Variants in ERC1 observed in about 807,000 individuals in gnomAD.
ERC1 encodes ELKS/RAB6-interacting/CAST family member 1, also known as RAB6 interacting protein 2.
Under a neutral mutation model 132.0 loss-of-function variants are expected in ERC1, and 56 were observed. The ratio of observed to expected loss-of-function variants is 0.42; its 90% CI spans 0.34 to 0.53. The LOEUF (loss-of-function observed/expected upper bound fraction) is 0.53. Ranked by LOEUF, ERC1 falls within the 20% of genes least tolerant of loss-of-function variation. The pLI is 0.03. For synonymous variants in ERC1, 478 were observed against 476.1 expected, an observed-to-expected ratio of 1.00 and a Z score of -0.05; for missense variants, 1,202 against 1,349.9, an observed-to-expected ratio of 0.89 and a Z score of 1.72.
chr12:1,173,243 A>G (rs1953278636), intron 8 of ERC1, among the ~76,000 whole-genome samples: 1 of 152,164 alleles, frequency 6.6e-6, no homozygotes, highest in Non-Finnish European at 1.5e-5. Flanking sequence ...GAGCTACACT[A>G]CCTAGTGATT....
At chr12:1,380,700 G>A (rs2154378192) in intron 16 of ERC1, 3 of 152,412 alleles carry the variant, frequency 2.0e-5, no homozygotes, top group Admixed American at 2.0e-4. Context: ...TGGCCACTAA[G>A]CTGCCTTTAT....
chr12:1,482,794 AC>A (rs2094118935), intron 18 of ERC1, among the ~76,000 whole-genome samples: 1 of 152,054 alleles, frequency 6.6e-6, no homozygotes, highest in Admixed American at 6.6e-5. Flanking sequence ...CATACAACTC[AC>A]CCATTGCAAG....
At chr12:1,220,963 C>T (rs1305644207) in intron 12 of ERC1, among the ~76,000 whole-genome samples, 1 of 152,204 alleles carries the variant, frequency 6.6e-6, no homozygotes, top group Non-Finnish European at 1.5e-5. Flanking sequence ...TAGCTGTTGC[C>T]TTTGCAGTGG....
At chr12:1,115,743 G>A (rs1946375623) in intron 6 of ERC1, 123 bp from the exon 7 acceptor site, 3 of 795,352 alleles carry the variant, frequency 3.8e-6, no homozygotes, top group South Asian at 2.3e-5. Context: ...AGATGAATAT[G>A]ACCTATCACA....
intron 18 of ERC1, among the ~76,000 whole-genome samples, chr12:1,447,627 G>GT (rs374676553): frequency 0.06 from 8,915 of 148,722 alleles, 910 homozygotes; most frequent in African/African-American, 0.21. Context: ...GTTTGTCTTT[G>GT]TTTTGTTTTT....
intron 16 of ERC1, among the ~76,000 whole-genome samples, chr12:1,398,189 G>A (rs1456283387): frequency 1.3e-5 from 2 of 151,868 alleles, no homozygotes; most frequent in Non-Finnish European, 2.9e-5. Context: ...TCACCATGTT[G>A]CCCAGGCTGG....
At chr12:1,075,210 C>T (rs933225002) in intron 2 of ERC1, among the ~76,000 whole-genome samples, 8 of 151,906 alleles carry the variant, frequency 5.3e-5, no homozygotes, top group Non-Finnish European at 1.0e-4. Context: ...ATTCAGTTGA[C>T]GTTTGTACAA....
intron 17 of ERC1, among the ~76,000 whole-genome samples, chr12:1,432,309 A>G (rs1004695218): frequency 2.0e-5 from 3 of 152,230 alleles, no homozygotes; most frequent in African/African-American, 7.2e-5. Flanking sequence ...ATATAAAACC[A>G]TTTTTAGCTG....
chr12:1,093,957 C>CTCTATATA (rs1555236197), intron 3 of ERC1, among the ~76,000 whole-genome samples: 1 of 68,888 alleles, frequency 1.5e-5, no homozygotes, highest in African/African-American at 4.6e-5. Flanking sequence ...ATATATTTTT[C>CTCTATATA]TATATATATA....
At chr12:1,021,446 T>G (rs1448688395) in intron 1 of ERC1, among the ~76,000 whole-genome samples, 1 of 151,050 alleles carries the variant, frequency 6.6e-6, no homozygotes, top group Non-Finnish European at 1.5e-5. Context: ...CGGTGGCTCA[T>G]GCCTGTAATC....
chr12:1,258,066 A>G (rs1437335745), intron 13 of ERC1, among the ~76,000 whole-genome samples: 1 of 152,212 alleles, frequency 6.6e-6, no homozygotes, highest in East Asian at 1.9e-4. Context: ...TATTAGCTAA[A>G]GAAGAATATT....
chr12:1,348,907 T>C (rs1009492310), intron 15 of ERC1, among the ~76,000 whole-genome samples: 1 of 152,204 alleles, frequency 6.6e-6, no homozygotes, highest in Non-Finnish European at 1.5e-5. Context: ...TTTTGCAATA[T>C]ACTTTTTCTT....
intron 18 of ERC1, among the ~76,000 whole-genome samples, chr12:1,452,793 T>C (rs569621659): frequency 1.9e-3 from 287 of 152,354 alleles, no homozygotes; most frequent in African/African-American, 6.7e-3. Context: ...ATAAAACTTA[T>C]GTCTGGAAAT....
intron 18 of ERC1, among the ~76,000 whole-genome samples, chr12:1,455,980 A>G (rs2093525224): frequency 6.6e-6 from 1 of 152,238 alleles, no homozygotes; most frequent in Non-Finnish European, 1.5e-5. Flanking sequence ...ACTCAGGTGT[A>G]TGATCTTTCT....
At chr12:1,151,706 G>A (rs529082797) in intron 8 of ERC1, 2 of 151,684 alleles carry the variant, frequency 1.3e-5, no homozygotes, top group Admixed American at 6.6e-5. Flanking sequence ...TCTACCTAAC[G>A]CTGTTGACAA....
chr12:1,442,881 A>G (rs914343686), intron 17 of ERC1, among the ~76,000 whole-genome samples: 2 of 152,202 alleles, frequency 1.3e-5, no homozygotes, highest in Non-Finnish European at 1.5e-5. Flanking sequence ...GAAAATTTCC[A>G]AAATGTTACA....
At chr12:1,209,477 A>G (rs1285082863) in intron 12 of ERC1, among the ~76,000 whole-genome samples, 1 of 150,798 alleles carries the variant, frequency 6.6e-6, no homozygotes, top group African/African-American at 2.4e-5. Flanking sequence ...GTTGTATGAG[A>G]TGTTCCTATA....
At chr12:1,436,698 G>A (rs1336195107) in intron 17 of ERC1, among the ~76,000 whole-genome samples, 1 of 152,220 alleles carries the variant, frequency 6.6e-6, no homozygotes, top group Non-Finnish European at 1.5e-5. Flanking sequence ...AGGGTCAGAA[G>A]AGAGTGTGAG....
At chr12:1,083,012 C>T in intron 2 of ERC1, 152 bp from the exon 3 acceptor site, 1 of 635,854 alleles carries the variant, frequency 1.6e-6, no homozygotes, top group Non-Finnish European at 2.7e-6. Context: ...TTATCTCAAT[C>T]ATTTTTTAAG....
Sources: gnomAD v4.1 joint callset for allele counts (sites outside exome capture counted in the v4.1 genomes callset) on GRCh38, gnomAD v4.1.1 for gene constraint, MANE v1.5 for transcripts, NCBI Gene and HGNC (gene_info 2026-07-23, HGNC 2026-07-21) for gene names.